The following RADIL variants were observed in gnomAD, a reference collection of about 807,000 sequenced individuals.
RADIL encodes Rap associating with DIL domain.
In RADIL, 99 loss-of-function variants were observed where a neutral mutation model predicts 97.6. The ratio of observed to expected loss-of-function variants is 1.01; its 90% confidence interval spans 0.86 to 1.20. The LOEUF is 1.20. Ranked by LOEUF, RADIL falls within the 50% of genes most tolerant of loss-of-function variation. The probability of loss-of-function intolerance (pLI) is 0.00; values close to 1 mark genes in which losing one functional copy is unlikely to be tolerated. For synonymous variants in RADIL, 803 were observed against 691.8 expected (o/e 1.16, Z -2.52); for missense variants, 1,765 against 1,498.9 (o/e 1.18, Z -2.93).
intron 3 of RADIL, 45 bp downstream of exon 3, chr7:4,836,313 C>A: frequency 6.4e-7 from 1 of 1,554,778 alleles, no homozygotes; most frequent in Non-Finnish European, 8.7e-7. Context: ...CGCCTGCTGT[C>A]CCTGCAGTGG....
At chr7:4,816,048 C>T (rs1246343421) in intron 8 of RADIL, among the ~76,000 whole-genome samples, 180 bp downstream of exon 8, 2 of 152,128 alleles carry the variant, frequency 1.3e-5, no homozygotes, top group Non-Finnish European at 2.9e-5. Context: ...CTACGGGATG[C>T]GCTGTGCTGA....
intron 9 of RADIL, among the ~76,000 whole-genome samples, chr7:4,806,746 G>C (rs145492119): frequency 6.6e-6 from 1 of 152,196 alleles, no homozygotes; most frequent in African/African-American, 2.4e-5. Context: ...CTGCGTGCTG[G>C]AACTGTCTTC....
At chr7:4,832,295 G>A (rs959430982) in intron 4 of RADIL, 117 bp from the exon 5 acceptor site, 1 of 968,362 alleles carries the variant, frequency 1.0e-6, no homozygotes. Flanking sequence ...GGCATCCTGT[G>A]TGACGCTGAC....
chr7:4,880,004 G>A lies in RADIL; in HGVS notation c.-64-1801C>T, dbSNP rs4724138. On this transcript the variant is annotated intron_variant, in intron 1 of 14. Transcript: ENST00000399583. This position sits in a 1 kb window ranked among gnomAD's most constrained non-coding sequence, Gnocchi z 4.5. Reference sequence around the variant, plus strand: ...CCGACAGCTTCGCACACCAGAGACTGGGTTCCCAACGCGGACGTCTGCCCT... The same window carrying A: ...CCGACAGCTTCGCACACCAGAGACTAGGTTCCCAACGCGGACGTCTGCCCT... 0.38 allele frequency among the ~76,000 whole-genome samples: 57,058 copies of A among 152,028 alleles called. 11,765 individuals carry two copies. Among genetic ancestry groups the A allele is most frequent in the African/African-American group, 0.55 (22,626 of 41,456 alleles).
At position 4,873,228 on chromosome 7, in the gene RADIL, C is replaced by T. The variant is rs991811654; in HGVS notation, c.535+4377G>A. Reference sequence around the variant, plus strand: ...GATTACACGCGTGAGCCACCGCGCCCGGCCAAGTGTGACTCTTACCATAGG... The same window carrying T: ...GATTACACGCGTGAGCCACCGCGCCTGGCCAAGTGTGACTCTTACCATAGG... On this transcript the variant is annotated intron_variant, in intron 2 of 14. Transcript: ENST00000399583. This position sits in a 1 kb window ranked among gnomAD's most constrained non-coding sequence, Gnocchi z 4.3. Among the ~76,000 whole-genome samples the T allele has an allele frequency of 2.6e-5, 4 of 152,114 alleles. No homozygotes were observed. The highest frequency in any genetic ancestry group is 6.5e-5 in the Admixed American group (1 of 15,270).
At position 4,867,606 on chromosome 7, in the gene RADIL, C is replaced by T. The variant is rs1784158654; in HGVS notation, c.535+9999G>A. On this transcript the variant is annotated intron_variant, in intron 2 of 14. Coordinates refer to ENST00000399583, the MANE Select transcript of RADIL (RefSeq NM_018059.5). The surrounding 1 kb of genome is among the most constrained non-coding windows in gnomAD (Gnocchi z 4.1). ...GACCAGTCTGGCAACATAGTGAGGC[C>T]CTGTCTCTATTTTTAAAATAAATAA... Among the ~76,000 whole-genome samples, 1 of 151,190 alleles carries T rather than the reference C, an allele frequency of 6.6e-6. No homozygotes were observed. The highest frequency in any genetic ancestry group is 1.5e-5 in the Non-Finnish European group (1 of 67,892).
chr7:4,823,351 T>A (rs1483639098), intron 5 of RADIL, among the ~76,000 whole-genome samples: 1 of 150,742 alleles, frequency 6.6e-6, no homozygotes, highest in African/African-American at 2.4e-5. Context: ...TTTTTTTTTT[T>A]TAGAGACAGG....
rs376451162 is a variant in RADIL, at chr7:4,801,754, G to A, written c.2741C>T (p.Pro914Leu). The A allele has an allele frequency of 8.7e-6, 14 of 1,610,588 alleles. No individual in the cohort carries two copies. Among genetic ancestry groups the A allele is most frequent in the African/African-American group, 2.7e-5 (2 of 74,908 alleles). ...TPPSTPLGPE[P>L]GDPDWPESGG... ...GGACTCTGGCCAGTCGGGGTCCCCA[G>A]GCTCAGGGCCAAGTGGAGTGCTGGG... is the stretch of plus-strand genomic sequence containing the variant. The change falls in exon 12 of 15, where the codon CCT becomes CTT. Residue 914 changes from proline to leucine, a missense_variant. Coordinates refer to ENST00000399583, the MANE Select transcript of RADIL (RefSeq NM_018059.5).
rs1287287015 is a variant in RADIL at position 4,854,318 on chromosome 7, G to A, written c.536-17713C>T. On this transcript the variant is annotated intron_variant, in intron 2 of 14. Transcript: ENST00000399583. The surrounding 1 kb of genome is among the most constrained non-coding windows in gnomAD (Gnocchi z 5.1). ...TGGCCAAATGCAATTCCAAACTGATGAGGGGGCATTAGGTGGGGTTTTCTG... is the reference window on the plus strand; with the variant it reads ...TGGCCAAATGCAATTCCAAACTGATAAGGGGGCATTAGGTGGGGTTTTCTG... Among the ~76,000 whole-genome samples, 4 of 152,218 alleles carry A rather than the reference G, an allele frequency of 2.6e-5. No homozygotes were observed. The highest frequency in any genetic ancestry group is 7.2e-5 in the African/African-American group (3 of 41,462).
At position 4,874,821 on chromosome 7, in the gene RADIL, G is replaced by T. The variant is rs182844464; in HGVS notation, c.535+2784C>A. On this transcript the variant is annotated intron_variant, in intron 2 of 14. Coordinates refer to ENST00000399583, the MANE Select transcript of RADIL (RefSeq NM_018059.5). ...ACCTGTCATCCCAGCACTTTAGGAG[G>T]CCAAGGTGGGCAGATCACCTGAGGT... Among the ~76,000 whole-genome samples, 491 of 152,226 alleles carry T rather than the reference G, an allele frequency of 3.2e-3. 2 individuals are homozygous for T. Among genetic ancestry groups the T allele is most frequent in the African/African-American group, 0.011 (451 of 41,518 alleles).
Position 4,799,344 on chromosome 7 carries a change from G to C in RADIL, c.*34C>G, listed in dbSNP as rs149757850. 6.3e-4 allele frequency: 1,011 copies of C among 1,602,548 alleles called. 6 individuals carry two copies. The African/African-American group carries it at 0.012, about 18-fold the overall frequency. On this transcript the variant is annotated 3_prime_UTR_variant, in exon 15 of 15. Transcript: ENST00000399583. ...GCCCAGTGTCACCAGGTGGGACCGG[G>C]TGCCGGGCCTGTGGGGGTGTCCTCG...
chr7:4,825,677 A>G (rs138125796), intron 5 of RADIL, among the ~76,000 whole-genome samples: 2,402 of 151,438 alleles, frequency 0.016, 31 homozygotes, highest in Middle Eastern at 0.038. Context: ...GGAGTTCAAG[A>G]CCAGCCTGAC....
intron 5 of RADIL, among the ~76,000 whole-genome samples, chr7:4,826,732 CA>C (rs56036708): frequency 0.32 from 26,978 of 85,226 alleles, 2,540 homozygotes; most frequent in African/African-American, 0.45. Flanking sequence ...GACTCCGTCT[CA>C]AAAAAAAAAA....
Position 4,816,270 on chromosome 7 carries a change from A to G in RADIL, c.1924T>C (p.Phe642Leu), listed in dbSNP as rs1344560542. Reference sequence around the variant, plus strand: ...TTGAGAAGCAGTGTCCCGGAGAAGAAGAAGAGGTAGGCGAGCATCTGCGAG... The same window carrying G: ...TTGAGAAGCAGTGTCCCGGAGAAGAGGAAGAGGTAGGCGAGCATCTGCGAG... ...VASQMLAYLF[F>L]FSGTLLLNQL... Residue 642 changes from phenylalanine (F) to leucine (L), a missense_variant, in exon 8 of 15, where the codon TTC (phenylalanine) becomes CTC (leucine). Coordinates refer to ENST00000399583, the MANE Select transcript of RADIL (RefSeq NM_018059.5). 1 of 1,612,758 alleles carries G rather than the reference A, an allele frequency of 6.2e-7. No homozygotes were observed. Among genetic ancestry groups the G allele is most frequent in the Non-Finnish European group, 8.5e-7 (1 of 1,179,804 alleles).
chr7:4,837,891 C>T lies in RADIL; in HGVS notation c.536-1286G>A. 1.0e-6 allele frequency: 1 copy of T among 985,446 alleles called. No individual in the cohort carries two copies. Among genetic ancestry groups the T allele is most frequent in the Non-Finnish European group, 1.2e-6 (1 of 829,938 alleles). The allele number at this position is 985,446 out of a possible 1,614,324, so 61.0% of individuals were successfully genotyped here. On this transcript the variant is annotated intron_variant, in intron 2 of 14. Transcript: ENST00000399583. This position sits in a 1 kb window ranked among gnomAD's most constrained non-coding sequence, Gnocchi z 5.6. ...CTCTGCTGAGTTCCCTGTACGCAGC[C>T]TTTCAGGTTAAGATCCATCCCCATC...
chr7:4,847,650 G>C (rs1783603968), intron 2 of RADIL, among the ~76,000 whole-genome samples: 1 of 137,344 alleles, frequency 7.3e-6, no homozygotes, highest in Non-Finnish European at 1.5e-5. Context: ...ATAGGCTACT[G>C]TTTAGCAATG....
At position 4,822,233 on chromosome 7, in the gene RADIL, C is replaced by T. The variant is rs73312647; in HGVS notation, c.1615+161G>A. On this transcript the variant is annotated intron_variant, in intron 6 of 14. Coordinates refer to ENST00000399583, the MANE Select transcript of RADIL (RefSeq NM_018059.5). The surrounding 1 kb of genome is among the most constrained non-coding windows in gnomAD (Gnocchi z 5.3). The stretch of plus-strand genomic sequence containing the variant: ...CACCAGCACCAGCCTCACAGGCCGT[C>T]CCCGAGCAACTGACACATGGCAGCC... 0.031 allele frequency among the ~76,000 whole-genome samples: 4,751 copies of T among 152,302 alleles called. 243 individuals are homozygous for T. Among genetic ancestry groups the T allele is most frequent in the African/African-American group, 0.11 (4,519 of 41,560 alleles).
At chr7:4,805,998 C>T (rs756287538) in intron 9 of RADIL, 21 of 985,348 alleles carry the variant, frequency 2.1e-5, no homozygotes, top group African/African-American at 1.6e-4. Flanking sequence ...CACAGGCGGC[C>T]GCCAACCAGA....
intron 5 of RADIL, among the ~76,000 whole-genome samples, chr7:4,831,577 C>CAAAA (rs397889423): frequency 1.5e-4 from 12 of 77,834 alleles, no homozygotes; most frequent in African/African-American, 2.8e-4. Flanking sequence ...TGAAGATTCT[C>CAAAA]AAAAAAAAAA....
Sources: gnomAD v4.1 joint callset for allele counts (sites outside exome capture counted in the v4.1 genomes callset) on GRCh38, gnomAD v4.1.1 for gene constraint, Gnocchi (gnomAD v3.1) non-coding constraint, MANE v1.5 for transcripts, NCBI Gene and HGNC (gene_info 2026-07-23, HGNC 2026-07-21) for gene names.